PPARGC1A: variants seen among roughly 807,000 people sequenced by gnomAD.
PPARGC1A encodes PPARG coactivator 1 alpha, also known as peroxisome proliferator-activated receptor gamma coactivator 1-alpha.
In PPARGC1A, 25 loss-of-function variants were observed where a neutral mutation model predicts 88.7. The observed-to-expected ratio is 0.28, with a 90% CI of 0.21 to 0.39. PPARGC1A has a LOEUF of 0.39. Ranked by LOEUF, PPARGC1A falls within the 10% of genes least tolerant of loss-of-function variation. PPARGC1A has a pLI of 1.00. For synonymous variants in PPARGC1A, 363 were observed against 355.6 expected (o/e 1.02, Z -0.24); for missense variants, 880 against 968.7 (o/e 0.91, Z 1.22).
the PPARGC1A span, among the ~76,000 whole-genome samples, chr4:24,217,045 G>A: frequency 0.037 from 5,569 of 152,268 alleles, 368 homozygotes; most frequent in African/African-American, 0.13. Flanking sequence ...GCAGCCTTCA[G>A]CAGACTCCGG....
At chr4:23,885,003 A>G in intron 1 of PPARGC1A, 72 bp from the exon 2 acceptor site, 1 of 1,319,980 alleles carries the variant, frequency 7.6e-7, no homozygotes, top group Non-Finnish European at 1.0e-6. Context: ...CTGCAATAGC[A>G]TGTGATAGGA....
At chr4:24,331,805 T>C in the PPARGC1A span, among the ~76,000 whole-genome samples, 3 of 151,604 alleles carry the variant, frequency 2.0e-5, no homozygotes, top group Non-Finnish European at 4.4e-5. Flanking sequence ...CTGGGATACA[T>C]GTGCAGAACG....
intron 2 of PPARGC1A, among the ~76,000 whole-genome samples, chr4:23,849,590 A>T (rs868788418): frequency 4.6e-5 from 7 of 152,228 alleles, no homozygotes; most frequent in Non-Finnish European, 8.8e-5. Context: ...GTGTTTGAAG[A>T]TGATAAGGGA....
At chr4:24,426,998 C>T in the PPARGC1A span, among the ~76,000 whole-genome samples, 4 of 152,110 alleles carry the variant, frequency 2.6e-5, no homozygotes, top group African/African-American at 7.2e-5. Flanking sequence ...TCTTCACCTC[C>T]GTGAAATGAC....
chr4:24,261,757 C>G, the PPARGC1A span, among the ~76,000 whole-genome samples: 1 of 152,040 alleles, frequency 6.6e-6, no homozygotes, highest in South Asian at 2.1e-4. Flanking sequence ...CTATTTCTGA[C>G]TATTAAAGGG....
At chr4:23,890,528 G>A (rs1234821705), upstream of PPARGC1A, among the ~76,000 whole-genome samples, 1 of 149,592 alleles carries the variant, frequency 6.7e-6, no homozygotes, top group East Asian at 2.0e-4. Context: ...TGGGACTAAA[G>A]CAAGAGCTTA....
the PPARGC1A span, among the ~76,000 whole-genome samples, chr4:24,364,161 A>G: frequency 6.6e-6 from 1 of 152,214 alleles, no homozygotes; most frequent in Non-Finnish European, 1.5e-5. Context: ...TTCCTAGCTC[A>G]CAGGAATGGA....
the PPARGC1A span, among the ~76,000 whole-genome samples, chr4:24,351,229 T>C: frequency 1.6e-4 from 1 of 6,098 alleles, no homozygotes; most frequent in Non-Finnish European, 1.1e-3. Context: ...AACCCTTGTA[T>C]TTAAAAAAAA....
At chr4:23,891,185 G>A (rs1355607794), upstream of PPARGC1A, among the ~76,000 whole-genome samples, 1 of 152,154 alleles carries the variant, frequency 6.6e-6, no homozygotes, top group Admixed American at 6.5e-5. Flanking sequence ...CAAACTCAAG[G>A]TACTGGACAC....
At chr4:23,875,832 C>T (rs945774959) in intron 2 of PPARGC1A, 2 of 152,148 alleles carry the variant, frequency 1.3e-5, no homozygotes, top group African/African-American at 4.8e-5. Flanking sequence ...GTGTGCTTTG[C>T]TTAGATTTAT....
At chr4:24,012,511 C>A in the PPARGC1A span, among the ~76,000 whole-genome samples, 3 of 152,078 alleles carry the variant, frequency 2.0e-5, no homozygotes, top group Admixed American at 1.3e-4. Flanking sequence ...TGCCTCAGAT[C>A]TTTGATGGTC....
chr4:24,323,897 T>A, the PPARGC1A span, among the ~76,000 whole-genome samples: 4 of 152,194 alleles, frequency 2.6e-5, no homozygotes, highest in Non-Finnish European at 5.9e-5. Flanking sequence ...TTCTCCAGCT[T>A]CCCTCACTAT....
intron 2 of PPARGC1A, among the ~76,000 whole-genome samples, chr4:23,853,607 T>G (rs545484676): frequency 2.6e-5 from 4 of 152,272 alleles, no homozygotes; most frequent in African/African-American, 9.6e-5. Context: ...AGAAAATTCT[T>G]TGCTGTACCT....
chr4:24,230,888 T>C, the PPARGC1A span, among the ~76,000 whole-genome samples: 2 of 150,378 alleles, frequency 1.3e-5, no homozygotes, highest in African/African-American at 4.9e-5. Flanking sequence ...TGGGAGTTGT[T>C]GACTAAGGGG....
chr4:23,872,352 G>T (rs1713571024), intron 2 of PPARGC1A, among the ~76,000 whole-genome samples: 1 of 152,048 alleles, frequency 6.6e-6, no homozygotes, highest in Non-Finnish European at 1.5e-5. Flanking sequence ...CACTTCCAAT[G>T]AGCAAACTGT....
At chr4:24,323,332 C>T in the PPARGC1A span, among the ~76,000 whole-genome samples, 1 of 152,192 alleles carries the variant, frequency 6.6e-6, no homozygotes, top group Non-Finnish European at 1.5e-5. Context: ...CTGTGACTTG[C>T]ACATATACGC....
the PPARGC1A span, among the ~76,000 whole-genome samples, chr4:24,279,575 A>G: frequency 7.9e-5 from 12 of 152,184 alleles, no homozygotes; most frequent in Admixed American, 7.9e-4. Flanking sequence ...AAACAAACAA[A>G]GAATTCACCA....
chr4:24,241,800 G>T, the PPARGC1A span, among the ~76,000 whole-genome samples: 1 of 152,200 alleles, frequency 6.6e-6, no homozygotes, highest in Non-Finnish European at 1.5e-5. Flanking sequence ...ATAGTACTCT[G>T]CTTTTGACAA....
chr4:24,306,963 G>A, the PPARGC1A span, among the ~76,000 whole-genome samples: 33 of 152,154 alleles, frequency 2.2e-4, no homozygotes, highest in African/African-American at 2.4e-5. Flanking sequence ...AAATTGAATC[G>A]CTTTCATTAT....
Sources: gnomAD v4.1 joint callset for allele counts (sites outside exome capture counted in the v4.1 genomes callset) on GRCh38, gnomAD v4.1.1 for gene constraint, MANE v1.5 for transcripts, NCBI Gene and HGNC (gene_info 2026-07-23, HGNC 2026-07-21) for gene names.